C19orf38: variants seen among roughly 807,000 people sequenced by gnomAD.
C19orf38 encodes the protein chromosome 19 open reading frame 38.
In C19orf38, 14 loss-of-function variants were observed where a neutral mutation model predicts 26.6. That is an observed-to-expected ratio of 0.53 (90% CI 0.35 to 0.82). C19orf38 has a LOEUF of 0.82. Ranked by LOEUF, C19orf38 falls within the 40% of genes least tolerant of loss-of-function variation. The pLI is 0.01. For missense variants in C19orf38, 261 were observed against 299.5 expected (o/e 0.87, Z 0.95); for synonymous variants, 132 against 128.5 (o/e 1.03, Z -0.18).
In C19orf38 at chr19:10,869,581, C is replaced by T. The variant is rs1054777264; in HGVS notation, c.*214C>T. 23 of 624,106 alleles carry T rather than the reference C, an allele frequency of 3.7e-5. No homozygotes were observed. Among genetic ancestry groups the T allele is most frequent in the South Asian group, 1.1e-4 (4 of 37,444 alleles). 38.7% of individuals were successfully genotyped at this position (624,106 alleles called of 1,614,324 possible). ...TACAGACAACAGGAAGTTCCCCTCTCGACCTTCGGCTCCTCAGGACCACCA... is the reference window on the plus strand; with the variant it reads ...TACAGACAACAGGAAGTTCCCCTCTTGACCTTCGGCTCCTCAGGACCACCA... On this transcript the variant is annotated 3_prime_UTR_variant, in exon 7 of 7. Coordinates refer to ENST00000397820, the MANE Select transcript of C19orf38 (RefSeq NM_001136482.3).
intron 6 of C19orf38, among the ~76,000 whole-genome samples, chr19:10,868,057 G>T (rs576892962): frequency 1.2e-4 from 18 of 152,146 alleles, no homozygotes; most frequent in African/African-American, 3.9e-4. Flanking sequence ...CCACCTTTTG[G>T]CTGTTGTGCA....
intron 1 of C19orf38, among the ~76,000 whole-genome samples, chr19:10,849,394 A>G (rs1190169051): frequency 6.6e-6 from 1 of 152,054 alleles, no homozygotes; most frequent in East Asian, 1.9e-4. Flanking sequence ...CTCTGTTGGA[A>G]TGCCCTTCCC....
At chr19:10,853,584 C>T (rs545605761) in intron 2 of C19orf38, among the ~76,000 whole-genome samples, 2 of 149,988 alleles carry the variant, frequency 1.3e-5, no homozygotes, top group Admixed American at 6.7e-5. Context: ...CCATGCCCAG[C>T]TCCCCCCAAT....
intron 2 of C19orf38, among the ~76,000 whole-genome samples, chr19:10,852,275 A>G (rs1331101251): frequency 6.6e-6 from 1 of 152,126 alleles, no homozygotes; most frequent in African/African-American, 2.4e-5. Context: ...TGAGCCACAT[A>G]AGGTTTCTGA....
intron 1 of C19orf38, among the ~76,000 whole-genome samples, chr19:10,839,171 C>G (rs955252327): frequency 6.6e-6 from 1 of 152,138 alleles, no homozygotes; most frequent in South Asian, 2.1e-4. Context: ...TCCCAAAGTG[C>G]TGGGATTACT....
chr19:10,850,614 A>G, intron 2 of C19orf38, 47 bp downstream of exon 2: 2 of 1,531,736 alleles, frequency 1.3e-6, no homozygotes, highest in Non-Finnish European at 1.8e-6. Flanking sequence ...TAATTTTCTC[A>G]CATGGACCTC....
rs142793950 is a variant in C19orf38 at position 10,855,649 on chromosome 19, C to T, written c.341-616C>T. ...GTTCAAGTGATTCTCCTGCCTCAGC[C>T]TCCTGAGTAAGTGGGACTACAGGCA... On this transcript the variant is annotated intron_variant, in intron 2 of 6. Transcript: ENST00000397820. Among the ~76,000 whole-genome samples the T allele has an allele frequency of 8.5e-3, 1,302 of 152,328 alleles. 20 individuals carry two copies. The highest frequency in any genetic ancestry group is 0.03 in the African/African-American group (1,246 of 41,560).
At chr19:10,858,936 G>GT (rs33931525) in intron 4 of C19orf38, among the ~76,000 whole-genome samples, 2,213 of 135,814 alleles carry the variant, frequency 0.016, 58 homozygotes, top group African/African-American at 0.051. Context: ...ATATATATAT[G>GT]TTTTTTTTTT....
chr19:10,846,917 A>C (rs2073523014), upstream of C19orf38, among the ~76,000 whole-genome samples: 1 of 152,228 alleles, frequency 6.6e-6, no homozygotes, highest in Non-Finnish European at 1.5e-5. Context: ...CTGAAGGAGA[A>C]GCAGGATTTG....
chr19:10,841,768 T>A (rs944832626), intron 1 of C19orf38: 9 of 826,462 alleles, frequency 1.1e-5, no homozygotes, highest in African/African-American at 1.7e-5. Flanking sequence ...AGCCCAGGAG[T>A]TCCCGACTAG....
chr19:10,842,462 G>A (rs566361344), intron 1 of C19orf38, among the ~76,000 whole-genome samples: 89 of 152,104 alleles, frequency 5.9e-4, no homozygotes, highest in Non-Finnish European at 1.1e-3. Flanking sequence ...GGTTTTCACC[G>A]TGTTAGTCAG....
chr19:10,837,171 G>A (rs912491742), intron 1 of C19orf38, among the ~76,000 whole-genome samples: 3 of 152,214 alleles, frequency 2.0e-5, no homozygotes, highest in Admixed American at 6.5e-5. Context: ...TCCGCAGTGC[G>A]TGGGACATCA....
intron 1 of C19orf38, among the ~76,000 whole-genome samples, chr19:10,837,476 TTTC>T (rs1256732433): frequency 2.7e-5 from 4 of 150,930 alleles, no homozygotes; most frequent in Admixed American, 2.0e-4. Context: ...TTTTCTTTTT[TTTC>T]TTTTTTTTTT....
intron 2 of C19orf38, among the ~76,000 whole-genome samples, chr19:10,852,760 G>T (rs1340969819): frequency 2.0e-5 from 3 of 152,108 alleles, no homozygotes; most frequent in Non-Finnish European, 4.4e-5. Flanking sequence ...GGGGGGTCTT[G>T]TAGACCACAG....
At chr19:10,863,879 C>T (rs2073727101) in intron 6 of C19orf38, among the ~76,000 whole-genome samples, 1 of 152,098 alleles carries the variant, frequency 6.6e-6, no homozygotes, top group Non-Finnish European at 1.5e-5. Flanking sequence ...AGGCATTGCA[C>T]TCCAGCCTGG....
Position 10,863,211 on chromosome 19 carries a change from AG to A in C19orf38, c.543+5del. The A allele has an allele frequency of 6.4e-7, 1 of 1,551,172 alleles. No individual in the cohort carries two copies. Among genetic ancestry groups the A allele is most frequent in the Non-Finnish European group, 8.7e-7 (1 of 1,146,650 alleles). ...CTCCCTGTTTACCGTCTCCGCGGTGAGTGGTTCTTTTTCTTGGAACCGGTTT... is the reference window on the plus strand; with the variant it reads ...CTCCCTGTTTACCGTCTCCGCGGTGATGGTTCTTTTTCTTGGAACCGGTTT... On this transcript the variant is annotated splice_donor_5th_base_variant and intron_variant, in intron 6 of 6. Coordinates refer to ENST00000397820, the MANE Select transcript of C19orf38 (RefSeq NM_001136482.3).
rs964685424 is a variant in C19orf38 at position 10,863,135 on chromosome 19, C to T, written c.506-35C>T. 3.8e-5 allele frequency: 59 copies of T among 1,548,086 alleles called. No individual in the cohort carries two copies. In the Admixed American group the frequency reaches 3.9e-4, roughly 10 times the overall value. The stretch of plus-strand genomic sequence containing the variant: ...GGGAGCAGGGAAGTTACAACTGGCC[C>T]CCAATCCTGGGTTTTCTTTCTCTTT... On this transcript the variant is annotated intron_variant, in intron 5 of 6. Coordinates refer to ENST00000397820, the MANE Select transcript of C19orf38 (RefSeq NM_001136482.3).
intron 4 of C19orf38, among the ~76,000 whole-genome samples, chr19:10,859,709 TC>T (rs1287389281): frequency 6.6e-6 from 1 of 151,834 alleles, no homozygotes; most frequent in African/African-American, 2.4e-5. Context: ...GTTTTTTTCT[TC>T]CCCCGGCCAA....
At chr19:10,846,099 T>C (rs1462526443), upstream of C19orf38, among the ~76,000 whole-genome samples, 1 of 151,314 alleles carries the variant, frequency 6.6e-6, no homozygotes, top group Non-Finnish European at 1.5e-5. Flanking sequence ...GGATGATCTC[T>C]TGAGCCCAGC....
Sources: gnomAD v4.1 joint callset for allele counts (sites outside exome capture counted in the v4.1 genomes callset) on GRCh38, gnomAD v4.1.1 for gene constraint, MANE v1.5 for transcripts, NCBI Gene and HGNC (gene_info 2026-07-23, HGNC 2026-07-21) for gene names.